Variants in IL1RAPL2 observed in about 807,000 individuals in gnomAD.
IL1RAPL2 encodes the protein X-linked interleukin-1 receptor accessory protein-like 2.
IL1RAPL2 carries 3 observed loss-of-function variants against 44.1 expected under a neutral mutation model. That is an observed-to-expected ratio of 0.07 (90% CI 0.03 to 0.18). The LOEUF (loss-of-function observed/expected upper bound fraction) is 0.18, where lower values mean the gene tolerates loss of function less well. IL1RAPL2 is among the 10% of genes least tolerant of loss of function. The pLI is 1.00. For synonymous variants in IL1RAPL2, 181 were observed against 178.8 expected, an observed-to-expected ratio of 1.01 and a Z score of -0.10; for missense variants, 391 against 496.4, an observed-to-expected ratio of 0.79 and a Z score of 2.02.
chrX:104,639,859 A>C (rs1349701269), intron 1 of IL1RAPL2, among the ~76,000 whole-genome samples: 1 of 111,729 alleles, frequency 9.0e-6, no homozygotes, highest in Non-Finnish European at 1.9e-5. Flanking sequence ...TCTTAGTCTA[A>C]TGGGGGAATT....
At chrX:105,633,767 C>A (rs2037506220) in intron 6 of IL1RAPL2, among the ~76,000 whole-genome samples, 1 of 110,435 alleles carries the variant, frequency 9.1e-6, no homozygotes, top group African/African-American at 3.3e-5. Context: ...ACTAAAACTC[C>A]CTAAGCTGTT....
intron 2 of IL1RAPL2, among the ~76,000 whole-genome samples, chrX:105,102,015 AT>A (rs1177842255): frequency 8.9e-6 from 1 of 112,064 alleles, no homozygotes; most frequent in East Asian, 2.8e-4. Flanking sequence ...GAAAAATTAA[AT>A]ATTTTAAAAT....
At chrX:105,742,560 A>AC (rs199897489) in intron 8 of IL1RAPL2, among the ~76,000 whole-genome samples, 2,168 of 111,307 alleles carry the variant, frequency 0.019, 37 homozygotes, top group African/African-American at 0.068. Flanking sequence ...CTCTGCTACC[A>AC]CCCAAGGCTT....
At chrX:105,186,476 GC>G (rs2033588617) in intron 2 of IL1RAPL2, among the ~76,000 whole-genome samples, 1 of 111,410 alleles carries the variant, frequency 9.0e-6, no homozygotes, top group Non-Finnish European at 1.9e-5. Context: ...CAGCATAACT[GC>G]TTTCTGACAA....
At chrX:104,779,866 G>A (rs1305022017) in intron 2 of IL1RAPL2, among the ~76,000 whole-genome samples, 1 of 110,759 alleles carries the variant, frequency 9.0e-6, no homozygotes, top group African/African-American at 3.3e-5. Flanking sequence ...GAGGTACAAA[G>A]TGGGGGTGGG....
intron 2 of IL1RAPL2, among the ~76,000 whole-genome samples, chrX:104,889,497 G>A (rs1184610626): frequency 1.8e-5 from 2 of 111,650 alleles, no homozygotes; most frequent in African/African-American, 6.5e-5. Flanking sequence ...ATTCTTATGT[G>A]GAACATCGAC....
intron 2 of IL1RAPL2, among the ~76,000 whole-genome samples, chrX:105,073,199 C>A (rs2032234953): frequency 1.6e-5 from 1 of 60,950 alleles, no homozygotes; most frequent in Non-Finnish European, 2.9e-5. Flanking sequence ...CCCCCCTCCC[C>A]CCACCCCACA....
chrX:105,314,473 A>T (rs1260352303), intron 5 of IL1RAPL2, among the ~76,000 whole-genome samples: 2 of 111,765 alleles, frequency 1.8e-5, no homozygotes, highest in Non-Finnish European at 1.9e-5. Context: ...GCTAAGCCAG[A>T]CTGTGTCGGA....
At chrX:105,036,135 A>G (rs942474685) in intron 2 of IL1RAPL2, among the ~76,000 whole-genome samples, 10 of 111,440 alleles carry the variant, frequency 9.0e-5, no homozygotes, top group African/African-American at 2.9e-4. Context: ...TACAAGAAAG[A>G]CACTTTACCT....
intron 2 of IL1RAPL2, among the ~76,000 whole-genome samples, chrX:104,884,555 C>T (rs943233631): frequency 1.1e-4 from 11 of 103,216 alleles, no homozygotes; most frequent in East Asian, 6.4e-4. Flanking sequence ...CAATTTGACC[C>T]GCAAACCCTG....
At chrX:104,995,074 A>G (rs1361502157) in intron 2 of IL1RAPL2, among the ~76,000 whole-genome samples, 2 of 111,171 alleles carry the variant, frequency 1.8e-5, no homozygotes, top group African/African-American at 3.3e-5. Flanking sequence ...TGACTACTTC[A>G]TCTAAAATAA....
intron 6 of IL1RAPL2, among the ~76,000 whole-genome samples, chrX:105,488,248 A>T (rs1286544543): frequency 8.9e-6 from 1 of 112,204 alleles, no homozygotes; most frequent in East Asian, 2.8e-4. Context: ...TTAGAGGCTG[A>T]ATCAAAAGAA....
rs763827388 is a variant in IL1RAPL2 at position 105,584,365 on chromosome X, G to A, written c.772+99978G>A. ...TCATCATGAAATGCCCTCCTTTATC[G>A]CTGATAATATTCCTTGCTCTGAAAT... On this transcript the variant is annotated intron_variant, in intron 6 of 10. Transcript: ENST00000372582. Among the ~76,000 whole-genome samples, 4 of 111,163 alleles carry A rather than the reference G, an allele frequency of 3.6e-5. No individual in the cohort carries two copies. In the East Asian group the frequency reaches 8.5e-4, roughly 24 times the overall value.
intron 2 of IL1RAPL2, among the ~76,000 whole-genome samples, chrX:104,891,172 A>T (rs1923425946): frequency 9.0e-6 from 1 of 111,702 alleles, no homozygotes; most frequent in African/African-American, 3.3e-5. Flanking sequence ...CTGTTTTGGT[A>T]CCAGTACCAT....
At chrX:105,523,725 A>G (rs1384722466) in intron 6 of IL1RAPL2, among the ~76,000 whole-genome samples, 1 of 111,239 alleles carries the variant, frequency 9.0e-6, no homozygotes, top group African/African-American at 3.3e-5. Flanking sequence ...GTTTGATATC[A>G]TAGATAAACG....
intron 2 of IL1RAPL2, among the ~76,000 whole-genome samples, chrX:104,811,927 T>C (rs1387021594): frequency 9.0e-6 from 1 of 111,091 alleles, no homozygotes; most frequent in Non-Finnish European, 1.9e-5. Flanking sequence ...GATATATTCT[T>C]GGTGCTATTC....
intron 6 of IL1RAPL2, among the ~76,000 whole-genome samples, chrX:105,545,763 T>C (rs1253963301): frequency 9.0e-6 from 1 of 111,729 alleles, no homozygotes; most frequent in Non-Finnish European, 1.9e-5. Context: ...TTATGATATA[T>C]CTAGATGTGG....
At chrX:105,230,302 C>T in intron 3 of IL1RAPL2, among the ~76,000 whole-genome samples, 1 of 110,358 alleles carries the variant, frequency 9.1e-6, no homozygotes, top group Middle Eastern at 4.7e-3. Context: ...GACCTTTTGC[C>T]CAACTGACCT....
chrX:104,970,784 A>T (rs2147721014), intron 2 of IL1RAPL2, among the ~76,000 whole-genome samples: 1 of 111,855 alleles, frequency 8.9e-6, no homozygotes, highest in African/African-American at 3.2e-5. Flanking sequence ...AGGGGGATGC[A>T]AAAGTGCAGA....
Sources: allele counts gnomAD v4.1 joint callset (sites outside exome capture counted in the v4.1 genomes callset), GRCh38; gene constraint gnomAD v4.1.1; transcripts MANE v1.5; gene names NCBI Gene and HGNC (gene_info 2026-07-23, HGNC 2026-07-21).